Variants in LRRC4C observed in about 807,000 individuals in gnomAD.
LRRC4C encodes leucine rich repeat containing 4C.
LRRC4C carries 5 observed loss-of-function variants against 33.6 expected under a neutral mutation model. The ratio of observed to expected loss-of-function variants is 0.15; its 90% confidence interval spans 0.08 to 0.31. LRRC4C has a LOEUF of 0.31. Among genes scored for constraint, LRRC4C ranks in the 10% least tolerant of loss-of-function variants. LRRC4C has a pLI of 1.00. For synonymous variants in LRRC4C, 329 were observed against 302.0 expected, an observed-to-expected ratio of 1.09 and a Z score of -0.93; for missense variants, 560 against 796.7, an observed-to-expected ratio of 0.70 and a Z score of 3.58.
At chr11:40,298,423 C>T (rs1424691415) in intron 4 of LRRC4C, among the ~76,000 whole-genome samples, 2 of 150,642 alleles carry the variant, frequency 1.3e-5, no homozygotes, top group East Asian at 3.9e-4. Flanking sequence ...GTCACTGGTG[C>T]AACTGGGCTC....
At chr11:40,455,708 C>A (rs1952100290) in intron 3 of LRRC4C, among the ~76,000 whole-genome samples, 1 of 152,086 alleles carries the variant, frequency 6.6e-6, no homozygotes, top group Non-Finnish European at 1.5e-5. Context: ...TTCATCAAAA[C>A]CATGTATGTG....
chr11:40,778,710 G>C (rs2137250920), intron 2 of LRRC4C, among the ~76,000 whole-genome samples: 1 of 152,300 alleles, frequency 6.6e-6, no homozygotes, highest in Middle Eastern at 3.4e-3. Flanking sequence ...AATGAGATCA[G>C]AGTGACAAGA....
At chr11:40,684,272 GAAGCATTTAAAA>G (rs1424941832) in intron 2 of LRRC4C, among the ~76,000 whole-genome samples, 1 of 151,618 alleles carries the variant, frequency 6.6e-6, no homozygotes, top group Non-Finnish European at 1.5e-5. Context: ...TAAAGAAGAG[GAAGCATTTAAAA>G]AAGAATCAAA....
intron 2 of LRRC4C, among the ~76,000 whole-genome samples, chr11:40,929,604 TTTTTATTTTA>T (rs1245592858): frequency 6.6e-6 from 1 of 152,036 alleles, no homozygotes; most frequent in Admixed American, 6.6e-5. Context: ...ATTCAATTCT[TTTTTATTTTA>T]TTTTATTTTA....
intron 1 of LRRC4C, among the ~76,000 whole-genome samples, chr11:41,009,039 CT>C (rs1207123705): frequency 9.2e-5 from 14 of 151,878 alleles, no homozygotes; most frequent in Admixed American, 9.2e-4. Flanking sequence ...ATAACGCCAA[CT>C]TTTAAAGACA....
intron 3 of LRRC4C, among the ~76,000 whole-genome samples, chr11:40,613,902 G>T (rs1375043061): frequency 6.6e-6 from 1 of 151,838 alleles, no homozygotes; most frequent in South Asian, 2.1e-4. Flanking sequence ...TTTCTGATCA[G>T]TAGGTCTCAA....
intron 1 of LRRC4C, among the ~76,000 whole-genome samples, chr11:41,132,168 T>C (rs774064625): frequency 1.3e-5 from 2 of 152,154 alleles, no homozygotes; most frequent in Non-Finnish European, 2.9e-5. Context: ...CCAGTAACAA[T>C]ATCTTTCACA....
intron 2 of LRRC4C, among the ~76,000 whole-genome samples, chr11:40,844,810 A>C (rs1179955964): frequency 2.0e-5 from 3 of 152,198 alleles, no homozygotes; most frequent in Non-Finnish European, 2.9e-5. Context: ...AATGCATCGC[A>C]TACTTGAACA....
At chr11:40,239,214 A>G (rs992445434) in intron 5 of LRRC4C, among the ~76,000 whole-genome samples, 2 of 152,164 alleles carry the variant, frequency 1.3e-5, no homozygotes, top group Non-Finnish European at 2.9e-5. Flanking sequence ...TCAGCTCTCT[A>G]AGCATATTTT....
chr11:41,055,720 G>A (rs1163877245), intron 1 of LRRC4C, among the ~76,000 whole-genome samples: 2 of 151,816 alleles, frequency 1.3e-5, no homozygotes, highest in Non-Finnish European at 2.9e-5. Context: ...TGCTTTTGTG[G>A]GATAACATTC....
At chr11:40,948,387 T>C (rs1348447471) in intron 1 of LRRC4C, among the ~76,000 whole-genome samples, 3 of 152,104 alleles carry the variant, frequency 2.0e-5, no homozygotes, top group Non-Finnish European at 4.4e-5. Context: ...ATTATTATAC[T>C]TTAAGTTTTA....
At chr11:40,543,849 A>T (rs1174059185) in intron 3 of LRRC4C, among the ~76,000 whole-genome samples, 2 of 151,988 alleles carry the variant, frequency 1.3e-5, no homozygotes, top group African/African-American at 4.8e-5. Context: ...TTTTTTTTGT[A>T]TTAAAATACA....
chr11:41,128,623 A>G (rs1942862315), intron 1 of LRRC4C, among the ~76,000 whole-genome samples: 1 of 152,090 alleles, frequency 6.6e-6, no homozygotes, highest in African/African-American at 2.4e-5. Context: ...CATTTGCCAT[A>G]AATTAGTTCA....
intron 1 of LRRC4C, among the ~76,000 whole-genome samples, chr11:41,048,079 A>G (rs1857907111): frequency 6.6e-6 from 1 of 152,160 alleles, no homozygotes; most frequent in African/African-American, 2.4e-5. Flanking sequence ...AATGCTTGGC[A>G]GCAGAATAAA....
At chr11:40,902,762 C>T (rs1006763668) in intron 2 of LRRC4C, among the ~76,000 whole-genome samples, 5 of 152,102 alleles carry the variant, frequency 3.3e-5, no homozygotes, top group Admixed American at 6.5e-5. Flanking sequence ...TATAGCCTAA[C>T]CCATACCTAG....
intron 3 of LRRC4C, among the ~76,000 whole-genome samples, chr11:40,612,780 A>C (rs970736980): frequency 6.6e-6 from 1 of 151,898 alleles, no homozygotes; most frequent in African/African-American, 2.4e-5. Context: ...GCAAGCTGAA[A>C]TAAACTTAAT....
In LRRC4C at chr11:40,133,285, A is replaced by G. The variant is rs1041228899; in HGVS notation, c.-43+7516T>C. The stretch of plus-strand genomic sequence containing the variant: ...TATGGATTTTTATAATGAGCAATGC[A>G]ATTTAAATTACCATGCAAGGCAATC... On this transcript the variant is annotated intron_variant, in intron 6 of 6. Transcript: ENST00000528697. Among the ~76,000 whole-genome samples the G allele has an allele frequency of 3.3e-5, 5 of 152,066 alleles. No homozygotes were observed. The South Asian group carries it at 8.5e-4, about 26-fold the overall frequency.
intron 3 of LRRC4C, among the ~76,000 whole-genome samples, chr11:40,476,355 T>C (rs1381917333): frequency 4.4e-5 from 6 of 136,658 alleles, no homozygotes; most frequent in Admixed American, 1.5e-4. Flanking sequence ...TTTTTTTTTT[T>C]TTTTTTTTTT....
At chr11:40,294,689 C>T (rs1457817908) in intron 4 of LRRC4C, among the ~76,000 whole-genome samples, 2 of 150,020 alleles carry the variant, frequency 1.3e-5, no homozygotes, top group African/African-American at 2.4e-5. Flanking sequence ...TAGCCGGGAG[C>T]GATGGCGCGC....
Sources: allele counts gnomAD v4.1 joint callset (sites outside exome capture counted in the v4.1 genomes callset), GRCh38; gene constraint gnomAD v4.1.1; transcripts MANE v1.5; gene names NCBI Gene and HGNC (gene_info 2026-07-23, HGNC 2026-07-21).